FGF12: variants seen among roughly 807,000 people sequenced by gnomAD.
FGF12 encodes the protein fibroblast growth factor 12B.
In FGF12, 14 loss-of-function variants were observed where a neutral mutation model predicts 23.6. That is an observed-to-expected ratio of 0.59 (90% CI 0.39 to 0.93). The LOEUF is 0.93. Among genes scored for constraint, FGF12 ranks in the 40% least tolerant of loss-of-function variants. The pLI, the probability that FGF12 is intolerant of heterozygous loss-of-function variation, is 0.00. For missense variants in FGF12, 175 were observed against 217.8 expected (o/e 0.80, Z 1.24); for synonymous variants, 62 against 77.3 (o/e 0.80, Z 1.04).
chr3:192,207,893 G>A (rs1717736602), intron 4 of FGF12, among the ~76,000 whole-genome samples: 1 of 152,138 alleles, frequency 6.6e-6, no homozygotes, highest in Non-Finnish European at 1.5e-5. Flanking sequence ...GTGCCTGCAG[G>A]ACACTCAGTG....
At chr3:192,203,561 C>G (rs951643990) in intron 4 of FGF12, among the ~76,000 whole-genome samples, 2 of 135,838 alleles carry the variant, frequency 1.5e-5, no homozygotes, top group African/African-American at 5.7e-5. Flanking sequence ...ACTCTTTTTT[C>G]TTTACTTTTT....
chr3:192,707,035 C>T (rs1292702729), intron 2 of FGF12, among the ~76,000 whole-genome samples: 1 of 152,134 alleles, frequency 6.6e-6, no homozygotes, highest in Non-Finnish European at 1.5e-5. Flanking sequence ...AATGGATTCA[C>T]ACATCAAGGA....
At chr3:192,659,485 T>C (rs1716572221) in intron 2 of FGF12, among the ~76,000 whole-genome samples, 1 of 151,964 alleles carries the variant, frequency 6.6e-6, no homozygotes, top group Admixed American at 6.6e-5. Context: ...CCTGCAGAAA[T>C]CAGAAATCTT....
intron 4 of FGF12, among the ~76,000 whole-genome samples, chr3:192,278,575 C>A (rs1375667823): frequency 1.3e-5 from 2 of 152,092 alleles, no homozygotes; most frequent in African/African-American, 4.8e-5. Context: ...TAGATGTGGG[C>A]CACATGGCAA....
intron 2 of FGF12, among the ~76,000 whole-genome samples, chr3:192,513,606 C>G (rs9291027): frequency 0.72 from 109,731 of 152,140 alleles, 41,171 homozygotes; most frequent in Non-Finnish European, 0.83. Context: ...GGTGCCATAA[C>G]CAAATGAATC....
intron 4 of FGF12, among the ~76,000 whole-genome samples, chr3:192,234,786 C>G (rs968446138): frequency 4.6e-5 from 7 of 152,134 alleles, no homozygotes; most frequent in African/African-American, 1.7e-4. Flanking sequence ...TTTTCTGTGT[C>G]TATTGAGATG....
intron 2 of FGF12, among the ~76,000 whole-genome samples, chr3:192,607,142 G>A (rs1370271827): frequency 6.6e-6 from 1 of 152,108 alleles, no homozygotes; most frequent in African/African-American, 2.4e-5. Flanking sequence ...TACAACCAGA[G>A]TCATTAGCCA....
chr3:192,516,126 C>G lies in FGF12; in HGVS notation c.14-155588G>C, dbSNP rs183071275. ...AGTTAAAGATAGCATCTGTCTCACA[C>G]ACCCCCTGAGAGTTAAGAAAACACT... On this transcript the variant is annotated intron_variant, in intron 2 of 5. Transcript: ENST00000445105. Among the ~76,000 whole-genome samples, 11 of 147,078 alleles carry G rather than the reference C, an allele frequency of 7.5e-5. No individual in the cohort carries two copies. In the East Asian group the frequency reaches 1.9e-3, roughly 26 times the overall value.
intron 2 of FGF12, among the ~76,000 whole-genome samples, chr3:192,673,648 C>T (rs576242244): frequency 1.3e-5 from 2 of 151,206 alleles, no homozygotes; most frequent in African/African-American, 4.8e-5. Context: ...GTTTGGCTTT[C>T]TGTTCCTGTG....
intron 2 of FGF12, among the ~76,000 whole-genome samples, chr3:192,618,183 T>G (rs568284075): frequency 1.3e-5 from 2 of 152,116 alleles, no homozygotes; most frequent in South Asian, 4.2e-4. Flanking sequence ...TTTTTCTGAT[T>G]TTATAATGGA....
intron 5 of FGF12, among the ~76,000 whole-genome samples, chr3:192,164,208 C>CTT (rs1715033940): frequency 6.6e-6 from 1 of 152,124 alleles, no homozygotes; most frequent in African/African-American, 2.4e-5. Context: ...CACTAAAACA[C>CTT]TTTACATCTG....
intron 2 of FGF12, among the ~76,000 whole-genome samples, chr3:192,616,674 T>C (rs920361561): frequency 8.6e-5 from 13 of 151,776 alleles, no homozygotes; most frequent in African/African-American, 3.1e-4. Flanking sequence ...GCATGAGAGG[T>C]AGTAAAGTAA....
chr3:192,414,107 T>C (rs1212487942), intron 2 of FGF12, among the ~76,000 whole-genome samples: 1 of 152,148 alleles, frequency 6.6e-6, no homozygotes. Context: ...CTTTATGACA[T>C]AGATGAAGGG....
At chr3:192,576,768 G>A (rs1712909818) in intron 2 of FGF12, among the ~76,000 whole-genome samples, 1 of 152,240 alleles carries the variant, frequency 6.6e-6, no homozygotes, top group Middle Eastern at 3.4e-3. Flanking sequence ...CATGTTTATT[G>A]CGGCACTATT....
chr3:192,191,547 T>G (rs1486014902), intron 4 of FGF12, among the ~76,000 whole-genome samples: 1 of 152,026 alleles, frequency 6.6e-6, no homozygotes, highest in East Asian at 1.9e-4. Flanking sequence ...CTAAAAATAG[T>G]CTTTAAGGCC....
In FGF12 at chr3:192,452,037, T is replaced by C. The variant is rs139845531; in HGVS notation, c.14-91499A>G. ...TTTGGTAAGGATCGCCAGTGCAATA[T>C]TGAATAGAAGTAATGAAAATGGATA... On this transcript the variant is annotated intron_variant, in intron 2 of 5. Transcript: ENST00000445105. Among the ~76,000 whole-genome samples the C allele has an allele frequency of 7.3e-3, 1,108 of 152,314 alleles. 10 individuals are homozygous for C. The highest frequency in any genetic ancestry group is 0.026 in the African/African-American group (1,067 of 41,576).
intron 2 of FGF12, among the ~76,000 whole-genome samples, chr3:192,432,808 C>G (rs1381040575): frequency 6.6e-6 from 1 of 152,034 alleles, no homozygotes; most frequent in African/African-American, 2.4e-5. Flanking sequence ...GAGTAGAGGA[C>G]CCAGTGAAGC....
chr3:192,623,481 A>T (rs1011835337), intron 2 of FGF12, among the ~76,000 whole-genome samples: 1 of 152,146 alleles, frequency 6.6e-6, no homozygotes, highest in Non-Finnish European at 1.5e-5. Flanking sequence ...CTGTAAATAT[A>T]ATGCCCTAAA....
At chr3:192,273,069 C>T (rs1377421758) in intron 4 of FGF12, among the ~76,000 whole-genome samples, 1 of 152,148 alleles carries the variant, frequency 6.6e-6, no homozygotes, top group Non-Finnish European at 1.5e-5. Context: ...TCCCACATAA[C>T]TAAGGGCAAG....
Sources: allele counts gnomAD v4.1 joint callset (sites outside exome capture counted in the v4.1 genomes callset), GRCh38; gene constraint gnomAD v4.1.1; transcripts MANE v1.5; gene names NCBI Gene and HGNC (gene_info 2026-07-23, HGNC 2026-07-21).